BABAM2: variants seen among roughly 807,000 people sequenced by gnomAD.
BABAM2 encodes BRISC and BRCA1 A complex member 2.
In BABAM2, 31 loss-of-function variants were observed where a neutral mutation model predicts 54.7. The observed-to-expected ratio is 0.57, with a 90% CI of 0.43 to 0.77. BABAM2 has a LOEUF of 0.77. BABAM2 is among the 30% of genes least tolerant of loss of function. BABAM2 has a pLI of 0.00. For synonymous variants in BABAM2, 167 were observed against 162.9 expected, an observed-to-expected ratio of 1.03 and a Z score of -0.19; for missense variants, 364 against 455.8, an observed-to-expected ratio of 0.80 and a Z score of 1.83.
chr2:28,214,779 AG>A (rs1476936110), intron 7 of BABAM2, among the ~76,000 whole-genome samples: 1 of 151,410 alleles, frequency 6.6e-6, no homozygotes, highest in Non-Finnish European at 1.5e-5. Flanking sequence ...AGTTTGCTGA[AG>A]TTTTTTTTTT....
intron 5 of BABAM2, among the ~76,000 whole-genome samples, chr2:28,037,109 A>G (rs72812581): frequency 0.084 from 12,822 of 152,154 alleles, 953 homozygotes; most frequent in African/African-American, 0.2. Flanking sequence ...TATTCATATT[A>G]TTCAAAAATC....
chr2:28,026,941 T>C (rs1472620708), intron 5 of BABAM2, among the ~76,000 whole-genome samples: 2 of 5,792 alleles, frequency 3.5e-4, no homozygotes, highest in Non-Finnish European at 3.4e-3. Flanking sequence ...TATATATAAA[T>C]ATATATTAAT....
intron 11 of BABAM2, among the ~76,000 whole-genome samples, chr2:28,301,132 C>T (rs868844258): frequency 2.0e-5 from 3 of 152,164 alleles, no homozygotes; most frequent in Admixed American, 6.5e-5. Context: ...AAATACTGTA[C>T]GTACACAGTG....
chr2:28,320,081 G>A (rs547833195), intron 11 of BABAM2, among the ~76,000 whole-genome samples: 1 of 152,332 alleles, frequency 6.6e-6, no homozygotes, highest in African/African-American at 2.4e-5. Flanking sequence ...AATTCATGCT[G>A]GAAATTGTAT....
At chr2:27,890,067 T>G, upstream of BABAM2, 1 of 562,270 alleles carries the variant, frequency 1.8e-6, no homozygotes. This position sits in a 1 kb window ranked among gnomAD's most constrained non-coding sequence, Gnocchi z 4.8. Flanking sequence ...TCCCCTGAGA[T>G]TTACCTTTAT....
chr2:28,122,445 C>T (rs1178486449), intron 6 of BABAM2, among the ~76,000 whole-genome samples: 1 of 152,060 alleles, frequency 6.6e-6, no homozygotes, highest in Non-Finnish European at 1.5e-5. Context: ...ACTTGATTTT[C>T]GACATACTAT....
In BABAM2 at chr2:28,045,809, T is replaced by G; in HGVS notation, c.570+10T>G. 6.3e-7 allele frequency: 1 copy of G among 1,597,184 alleles called. No individual in the cohort carries two copies. On this transcript the variant is annotated intron_variant, in intron 6 of 11. Coordinates refer to ENST00000379624, the MANE Select transcript of BABAM2 (RefSeq NM_199191.3). Reference sequence around the variant, plus strand: ...CACATACCTTCTCAAGGTAAAAATATATGATTTTCAGTATGAGAATATAAG... The same window carrying G: ...CACATACCTTCTCAAGGTAAAAATAGATGATTTTCAGTATGAGAATATAAG...
At chr2:27,961,645 A>G (rs1027160311) in intron 3 of BABAM2, among the ~76,000 whole-genome samples, 6 of 151,540 alleles carry the variant, frequency 4.0e-5, no homozygotes, top group Admixed American at 1.3e-4. Context: ...TGTATCTTCT[A>G]TGCCTTGACC....
intron 10 of BABAM2, among the ~76,000 whole-genome samples, chr2:28,259,785 G>A (rs183352122): frequency 6.7e-6 from 1 of 148,380 alleles, no homozygotes; most frequent in Non-Finnish European, 1.5e-5. Flanking sequence ...AAGGGACATG[G>A]TTTTTTTTTT....
At chr2:27,952,902 T>C (rs1669839210) in intron 3 of BABAM2, among the ~76,000 whole-genome samples, 1 of 152,206 alleles carries the variant, frequency 6.6e-6, no homozygotes, top group East Asian at 1.9e-4. Flanking sequence ...AAACCTCCAA[T>C]TTATTGAAAT....
intron 3 of BABAM2, among the ~76,000 whole-genome samples, chr2:27,985,625 C>T (rs1672344039): frequency 6.6e-6 from 1 of 151,854 alleles, no homozygotes; most frequent in African/African-American, 2.4e-5. Context: ...CTGTACTTTC[C>T]CCTGTCAGAA....
chr2:28,274,811 C>T (rs903434989), intron 10 of BABAM2, among the ~76,000 whole-genome samples: 1 of 152,066 alleles, frequency 6.6e-6, no homozygotes, highest in Non-Finnish European at 1.5e-5. Flanking sequence ...TCGTCACAGC[C>T]CTGAGAGGTA....
At chr2:28,047,810 C>A (rs1185452051) in intron 6 of BABAM2, among the ~76,000 whole-genome samples, 1 of 152,046 alleles carries the variant, frequency 6.6e-6, no homozygotes. Flanking sequence ...AGTAAAACAA[C>A]AATGACCAAA....
intron 1 of BABAM2, among the ~76,000 whole-genome samples, chr2:27,893,992 C>CAAAAAA (rs778759632): frequency 1.5e-4 from 6 of 40,580 alleles, no homozygotes; most frequent in Admixed American, 3.2e-4. Context: ...GACTCTGTCG[C>CAAAAAA]AAAAAAAAAA....
chr2:28,158,179 GA>G (rs1274180010), intron 7 of BABAM2, among the ~76,000 whole-genome samples: 1 of 152,118 alleles, frequency 6.6e-6, no homozygotes, highest in Non-Finnish European at 1.5e-5. Context: ...TCAGTTTACA[GA>G]AGAAGAAATG....
At chr2:27,919,020 A>G (rs1474244995) in intron 2 of BABAM2, among the ~76,000 whole-genome samples, 1 of 152,124 alleles carries the variant, frequency 6.6e-6, no homozygotes, top group Non-Finnish European at 1.5e-5. Flanking sequence ...CATGAACATG[A>G]TATCTCTGTT....
intron 2 of BABAM2, among the ~76,000 whole-genome samples, chr2:27,904,520 G>C (rs952325719): frequency 9.9e-5 from 15 of 152,160 alleles, no homozygotes; most frequent in Admixed American, 6.5e-5. Context: ...CAACACCCAT[G>C]TATAAAGGGC....
At chr2:28,230,560 C>CAAA (rs35644487) in intron 7 of BABAM2, among the ~76,000 whole-genome samples, 5,461 of 142,210 alleles carry the variant, frequency 0.038, 364 homozygotes, top group African/African-American at 0.13. Context: ...ACTAAAAATA[C>CAAA]AAAAAAAAAA....
At chr2:28,025,146 A>T in intron 4 of BABAM2, 80 bp from the exon 5 acceptor site, 1 of 1,283,130 alleles carries the variant, frequency 7.8e-7, no homozygotes, top group East Asian at 2.4e-5. Context: ...CTTTTCCTCT[A>T]CATTGATGTG....
Sources: allele counts gnomAD v4.1 joint callset (sites outside exome capture counted in the v4.1 genomes callset), GRCh38; gene constraint gnomAD v4.1.1; non-coding constraint Gnocchi (gnomAD v3.1); transcripts MANE v1.5; gene names NCBI Gene and HGNC (gene_info 2026-07-23, HGNC 2026-07-21).